The following MBNL2 variants were observed in gnomAD, a reference collection of about 807,000 sequenced individuals.
The protein encoded by MBNL2 is muscleblind like splicing regulator 2, also known as muscleblind-like protein 2.
In MBNL2, 17 loss-of-function variants were observed where a neutral mutation model predicts 41.9. The ratio of observed to expected loss-of-function variants is 0.41; its 90% CI spans 0.28 to 0.61. The LOEUF is 0.61. Among genes scored for constraint, MBNL2 ranks in the 20% least tolerant of loss-of-function variants. The pLI is 0.35. For synonymous variants in MBNL2, 195 were observed against 182.9 expected (o/e 1.07, Z -0.53); for missense variants, 336 against 505.6 (o/e 0.66, Z 3.22).
intron 2 of MBNL2, among the ~76,000 whole-genome samples, chr13:97,300,728 T>C (rs950017897): frequency 2.6e-5 from 4 of 152,338 alleles, no homozygotes; most frequent in Admixed American, 6.5e-5. Context: ...TAACCACCAT[T>C]GATCTGCTTC....
chr13:97,327,488 T>C (rs986663015), intron 2 of MBNL2, among the ~76,000 whole-genome samples: 1 of 136,170 alleles, frequency 7.3e-6, no homozygotes, highest in African/African-American at 2.9e-5. Flanking sequence ...AGTTGAGATA[T>C]AGGAACAGGA....
intron 3 of MBNL2, among the ~76,000 whole-genome samples, chr13:97,336,145 A>G (rs1486715030): frequency 6.6e-6 from 1 of 152,224 alleles, no homozygotes; most frequent in Non-Finnish European, 1.5e-5. Flanking sequence ...TTTGAAAGTT[A>G]TGGTTATTAT....
chr13:97,228,327 T>C (rs2041929922), intron 1 of MBNL2, among the ~76,000 whole-genome samples: 1 of 152,014 alleles, frequency 6.6e-6, no homozygotes, highest in African/African-American at 2.4e-5. Flanking sequence ...GTTTTTCAGC[T>C]GAACGAATGA....
chr13:97,145,966 TTTC>T, the MBNL2 span, among the ~76,000 whole-genome samples: 2 of 116,734 alleles, frequency 1.7e-5, no homozygotes, highest in African/African-American at 1.4e-4. Context: ...ACTCTTTTCT[TTTC>T]TTTTCTTTTC....
chr13:97,334,148 CCACA>C lies in MBNL2; in HGVS notation c.175-103_175-100del, dbSNP rs34820289. Reference sequence around the variant, plus strand: ...AACACATGAGCATGCGCGCGCACACCCACACACACACACACACACACACACACAG... The same window carrying C: ...AACACATGAGCATGCGCGCGCACACCCACACACACACACACACACACACAG... On this transcript the variant is annotated intron_variant, in intron 2 of 8. Transcript: ENST00000679496. The surrounding 1 kb of genome is among the most constrained non-coding windows in gnomAD (Gnocchi z 5.3). 2,357 of 542,666 alleles carry C rather than the reference CCACA, an allele frequency of 4.3e-3. No homozygotes were observed. The highest frequency in any genetic ancestry group is 0.011 in the South Asian group (378 of 35,386). The allele number at this position is 542,666 out of a possible 1,614,324, so 33.6% of individuals were successfully genotyped here.
intron 2 of MBNL2, among the ~76,000 whole-genome samples, chr13:97,311,106 A>G (rs2153021496): frequency 6.6e-6 from 1 of 152,356 alleles, no homozygotes; most frequent in East Asian, 1.9e-4. Context: ...CACTGAGGAA[A>G]TAAAAAAGAG....
At chr13:97,354,512 C>G (rs928013409) in intron 5 of MBNL2, among the ~76,000 whole-genome samples, 4 of 152,094 alleles carry the variant, frequency 2.6e-5, no homozygotes, top group African/African-American at 9.7e-5. Flanking sequence ...AAACTCCCAC[C>G]ACAGAGTGGT....
Position 97,357,332 on chromosome 13 carries a change from G to C in MBNL2, c.859-150G>C, listed in dbSNP as rs922488691. On this transcript the variant is annotated intron_variant, in intron 6 of 8. Transcript: ENST00000679496. Reference sequence around the variant, plus strand: ...CTCAATAACAAATTCTCACTCATTCGACATTGCCGCTGTTTAAATTAAGGT... The same window carrying C: ...CTCAATAACAAATTCTCACTCATTCCACATTGCCGCTGTTTAAATTAAGGT... 11 of 635,912 alleles carry C rather than the reference G, an allele frequency of 1.7e-5. No homozygotes were observed. The Admixed American group carries it at 3.0e-4, about 17-fold the overall frequency. The allele number at this position is 635,912 out of a possible 1,614,324, so 39.4% of individuals were successfully genotyped here. A position where few individuals can be genotyped will look rare whatever the true frequency, so the allele number is the denominator to read the frequency against.
intron 2 of MBNL2, among the ~76,000 whole-genome samples, chr13:97,326,282 T>C (rs1247539600): frequency 6.6e-6 from 1 of 152,232 alleles, no homozygotes; most frequent in Non-Finnish European, 1.5e-5. Flanking sequence ...TGTCTACCAC[T>C]ATTTGTGTTT....
chr13:97,351,333 A>G (rs142014320), intron 5 of MBNL2, among the ~76,000 whole-genome samples: 163 of 152,332 alleles, frequency 1.1e-3, no homozygotes, highest in African/African-American at 3.7e-3. Context: ...AGGGCCCTAG[A>G]ATTTTCAGAA....
chr13:97,180,765 C>T, the MBNL2 span, among the ~76,000 whole-genome samples: 1 of 113,468 alleles, frequency 8.8e-6, no homozygotes, highest in Non-Finnish European at 1.8e-5. Flanking sequence ...AAAAAAAAAA[C>T]ATGTTGTACC....
the MBNL2 span, among the ~76,000 whole-genome samples, chr13:97,158,887 A>C: frequency 6.6e-6 from 1 of 151,484 alleles, no homozygotes. Flanking sequence ...TTTGGGGTGG[A>C]GAGTTCTGTA....
chr13:97,218,335 G>C (rs978986669), upstream of MBNL2, among the ~76,000 whole-genome samples: 1 of 151,584 alleles, frequency 6.6e-6, no homozygotes, highest in African/African-American at 2.4e-5. Flanking sequence ...GCGTGAACCC[G>C]GGAGGCGGAG....
chr13:97,239,476 A>G (rs1370645933), intron 1 of MBNL2, among the ~76,000 whole-genome samples: 2 of 152,260 alleles, frequency 1.3e-5, no homozygotes, highest in African/African-American at 4.8e-5. Flanking sequence ...ACAGAAATCC[A>G]TAGTCCATCA....
intron 2 of MBNL2, among the ~76,000 whole-genome samples, chr13:97,322,937 T>A (rs1242482915): frequency 6.6e-6 from 1 of 152,178 alleles, no homozygotes; most frequent in Non-Finnish European, 1.5e-5. Flanking sequence ...CCCTGCTGTG[T>A]GGGCTTAACT....
At chr13:97,208,183 T>C in the MBNL2 span, among the ~76,000 whole-genome samples, 1 of 152,248 alleles carries the variant, frequency 6.6e-6, no homozygotes, top group Non-Finnish European at 1.5e-5. Flanking sequence ...AATATGCTCA[T>C]GTGCAATGTG....
the MBNL2 span, among the ~76,000 whole-genome samples, chr13:97,195,401 G>A: frequency 6.0e-3 from 908 of 152,164 alleles, 5 homozygotes; most frequent in African/African-American, 0.021. Flanking sequence ...TGTAGACTGT[G>A]TGTGCCTCAA....
the MBNL2 span, among the ~76,000 whole-genome samples, chr13:97,176,327 T>G: frequency 2.0e-5 from 3 of 152,160 alleles, no homozygotes; most frequent in African/African-American, 7.2e-5. Flanking sequence ...ATACATTAAC[T>G]TGGGGGCACT....
At chr13:97,308,650 A>G (rs889994761) in intron 2 of MBNL2, among the ~76,000 whole-genome samples, 2 of 152,326 alleles carry the variant, frequency 1.3e-5, no homozygotes, top group Admixed American at 1.3e-4. Flanking sequence ...GCCCACTATT[A>G]TGACAAGAGC....
Sources: allele counts gnomAD v4.1 joint callset (sites outside exome capture counted in the v4.1 genomes callset), GRCh38; gene constraint gnomAD v4.1.1; non-coding constraint Gnocchi (gnomAD v3.1); transcripts MANE v1.5; gene names NCBI Gene and HGNC (gene_info 2026-07-23, HGNC 2026-07-21).